Variants in FBXL4 observed in about 807,000 individuals in gnomAD.
The protein encoded by FBXL4 is F-box/LRR-repeat protein 4.
A neutral mutation model predicts 58.9 loss-of-function variants in FBXL4; 40 were observed. The ratio of observed to expected loss-of-function variants is 0.68; its 90% CI spans 0.53 to 0.88. The LOEUF (loss-of-function observed/expected upper bound fraction) is 0.88. FBXL4 is among the 40% of genes least tolerant of loss of function. The pLI is 0.00. For missense variants in FBXL4, 676 were observed against 734.4 expected (o/e 0.92, Z 0.92); for synonymous variants, 263 against 265.5 (o/e 0.99, Z 0.09).
At chr6:98,882,539 A>T (rs1350252611) in intron 7 of FBXL4, among the ~76,000 whole-genome samples, 1 of 151,896 alleles carries the variant, frequency 6.6e-6, no homozygotes, top group Non-Finnish European at 1.5e-5. Flanking sequence ...TTTATTTTTA[A>T]ATTACTTACT....
rs373476379 is a variant in FBXL4, at chr6:98,885,391, C to T, written c.1318-4767G>A. Among the ~76,000 whole-genome samples the T allele has an allele frequency of 3.2e-4, 48 of 152,226 alleles. No homozygotes were observed. The East Asian group carries it at 6.4e-3, about 20-fold the overall frequency. ...CTGAAATTACAGGTGTGAGTCACTA[C>T]GCCCTGCCAATTCTGGGTGTTTCTG... is the stretch of plus-strand genomic sequence containing the variant. On this transcript the variant is annotated intron_variant, in intron 7 of 9. Coordinates refer to ENST00000369244, the MANE Select transcript of FBXL4 (RefSeq NM_001278716.2).
intron 7 of FBXL4, among the ~76,000 whole-genome samples, chr6:98,884,961 C>T (rs1319969217): frequency 6.6e-6 from 1 of 152,154 alleles, no homozygotes; most frequent in Non-Finnish European, 1.5e-5. Context: ...AGAGAGTGGG[C>T]TTAACTTAGC....
chr6:98,880,475 G>T, intron 8 of FBXL4, 78 bp downstream of exon 8: 1 of 1,149,178 alleles, frequency 8.7e-7, no homozygotes, highest in Non-Finnish European at 1.3e-6. Context: ...GGGGTAGGGT[G>T]AGTCAGGATA....
intron 4 of FBXL4, among the ~76,000 whole-genome samples, chr6:98,918,436 T>G (rs1379093852): frequency 6.6e-6 from 1 of 152,134 alleles, no homozygotes; most frequent in African/African-American, 2.4e-5. Flanking sequence ...TCTTTGCTCG[T>G]GTTATCTTCC....
chr6:98,897,561 A>G (rs1451809016), intron 7 of FBXL4, among the ~76,000 whole-genome samples: 1 of 152,174 alleles, frequency 6.6e-6, no homozygotes, highest in Non-Finnish European at 1.5e-5. Context: ...ATGCCATCTT[A>G]ATTCATTCGG....
rs562195225 is a variant in FBXL4 at position 98,909,637 on chromosome 6, C to T, written c.859-3967G>A. 3.9e-5 allele frequency among the ~76,000 whole-genome samples: 6 copies of T among 152,256 alleles called. No individual in the cohort carries two copies. The East Asian group carries it at 5.8e-4, about 15-fold the overall frequency. On this transcript the variant is annotated intron_variant, in intron 5 of 9. Transcript: ENST00000369244. ...TGCAAGTGGGTAAGAATCAAAGCAG[C>T]GATTCACTCTCCTCCAGATGAATTG...
At chr6:98,914,504 C>G (rs1582418886) in intron 5 of FBXL4, among the ~76,000 whole-genome samples, 1 of 152,206 alleles carries the variant, frequency 6.6e-6, no homozygotes. Context: ...GGATGCAAGG[C>G]TGGTTCAATA....
chr6:98,895,762 A>G (rs1300425620), intron 7 of FBXL4, among the ~76,000 whole-genome samples: 1 of 152,190 alleles, frequency 6.6e-6, no homozygotes, highest in African/African-American at 2.4e-5. Context: ...CTAAAAATCC[A>G]GGTCTTCAAA....
chr6:98,894,157 G>A (rs937516199), intron 7 of FBXL4, among the ~76,000 whole-genome samples: 1 of 152,198 alleles, frequency 6.6e-6, no homozygotes, highest in Non-Finnish European at 1.5e-5. Context: ...ATGAGCCCCT[G>A]AGCCCAGCTG....
intron 1 of FBXL4, among the ~76,000 whole-genome samples, chr6:98,942,732 C>T (rs1773478571): frequency 6.6e-6 from 1 of 151,948 alleles, no homozygotes; most frequent in African/African-American, 2.4e-5. Flanking sequence ...TTCTTTATAG[C>T]AATGTGGGAA....
intron 5 of FBXL4, among the ~76,000 whole-genome samples, chr6:98,906,187 A>C (rs1379299096): frequency 5.3e-5 from 8 of 152,154 alleles, no homozygotes; most frequent in African/African-American, 1.9e-4. Context: ...AAAAAAAAAA[A>C]AAAACACTTT....
chr6:98,916,982 C>A (rs911443838), intron 5 of FBXL4, among the ~76,000 whole-genome samples: 4 of 152,014 alleles, frequency 2.6e-5, no homozygotes, highest in Non-Finnish European at 4.4e-5. Context: ...ATTCATCTCA[C>A]AATCTTATTA....
chr6:98,945,897 A>T (rs1052946740), intron 1 of FBXL4, among the ~76,000 whole-genome samples: 8 of 152,200 alleles, frequency 5.3e-5, no homozygotes, highest in African/African-American at 1.9e-4. Flanking sequence ...TGAATGAGCA[A>T]CAGAAGGGAT....
At chr6:98,899,853 T>C (rs1771541659) in intron 6 of FBXL4, among the ~76,000 whole-genome samples, 1 of 151,988 alleles carries the variant, frequency 6.6e-6, no homozygotes, top group South Asian at 2.1e-4. Context: ...TCTTGGGAGA[T>C]ATTTCCCCCT....
intron 7 of FBXL4, chr6:98,897,102 A>AT (rs1213517173): frequency 2.0e-6 from 2 of 982,806 alleles, no homozygotes; most frequent in African/African-American, 3.5e-5. Flanking sequence ...GGCTCATTTA[A>AT]TAACTACATT....
intron 1 of FBXL4, among the ~76,000 whole-genome samples, chr6:98,947,447 G>C (rs892463486): frequency 2.0e-5 from 3 of 152,246 alleles, no homozygotes; most frequent in African/African-American, 7.2e-5. Flanking sequence ...GCCGACGCGT[G>C]GCTGCCGGCG....
At position 98,926,720 on chromosome 6, in the gene FBXL4, T is replaced by C; in HGVS notation, c.269A>G (p.Asp90Gly). 1.9e-6 allele frequency: 3 copies of C among 1,614,206 alleles called. No individual in the cohort carries two copies. In the Admixed American group the frequency reaches 5.0e-5, roughly 27 times the overall value. ...GVPNVFPSSG[D>G]FTQTAVFRTY... ...TCGAAACACAGCTGTCTGAGTAAAG[T>C]CACCAGAACTTGGGAATACATTTGG... Residue 90 changes from aspartate to glycine, a missense_variant, in exon 4 of 10, where the codon GAC becomes GGC. Coordinates refer to ENST00000369244, the MANE Select transcript of FBXL4 (RefSeq NM_001278716.2).
chr6:98,890,423 G>A (rs778381068), intron 7 of FBXL4, among the ~76,000 whole-genome samples: 1 of 152,154 alleles, frequency 6.6e-6, no homozygotes, highest in African/African-American at 2.4e-5. Flanking sequence ...CTCAGAGTAA[G>A]GTGGTGAAAT....
intron 7 of FBXL4, chr6:98,898,535 G>A (rs1478009206): frequency 2.2e-6 from 2 of 900,196 alleles, no homozygotes; most frequent in South Asian, 5.1e-5. Flanking sequence ...AACTGGTCAG[G>A]CGGAGGTTTC....
Sources: allele counts gnomAD v4.1 joint callset (sites outside exome capture counted in the v4.1 genomes callset), GRCh38; gene constraint gnomAD v4.1.1; transcripts MANE v1.5; gene names NCBI Gene and HGNC (gene_info 2026-07-23, HGNC 2026-07-21).